PIN4: variants seen among roughly 807,000 people sequenced by gnomAD.
PIN4 encodes peptidyl-prolyl cis-trans isomerase NIMA-interacting 4.
PIN4 carries 3 observed loss-of-function variants against 8.3 expected under a neutral mutation model. That is an observed-to-expected ratio of 0.36 (90% CI 0.16 to 0.93). PIN4 has a LOEUF of 0.93. Among genes scored for constraint, PIN4 ranks in the 40% least tolerant of loss-of-function variants. The pLI is 0.44. For synonymous variants in PIN4, 18 were observed against 32.5 expected (o/e 0.55, Z 1.52); for missense variants, 75 against 100.6 (o/e 0.75, Z 1.09).
At chrX:72,211,434 T>C (rs998947862) in intron 3 of PIN4, among the ~76,000 whole-genome samples, 2 of 111,916 alleles carry the variant, frequency 1.8e-5, no homozygotes, top group African/African-American at 6.5e-5. Flanking sequence ...AAAAATTTTA[T>C]GTTTAAATGG....
intron 3 of PIN4, among the ~76,000 whole-genome samples, chrX:72,211,989 C>G (rs1200236710): frequency 9.0e-6 from 1 of 111,144 alleles, no homozygotes; most frequent in Non-Finnish European, 1.9e-5. Context: ...AAAATCATCT[C>G]TGTGGCTGGG....
At chrX:72,205,705 C>T (rs1029564947) in intron 3 of PIN4, 1 of 1,210,324 alleles carries the variant, frequency 8.3e-7, no homozygotes, top group African/African-American at 1.7e-5. Context: ...TCTAGCTTTA[C>T]TTCTGATTTT....
intron 3 of PIN4, among the ~76,000 whole-genome samples, chrX:72,236,713 C>T (rs1475778662): frequency 8.9e-6 from 1 of 112,080 alleles, no homozygotes; most frequent in Non-Finnish European, 1.9e-5. Context: ...CAACTTTAAG[C>T]AAAATGACAC....
chrX:72,193,551 TAAAAA>T (rs202168786), intron 2 of PIN4, among the ~76,000 whole-genome samples: 2 of 107,493 alleles, frequency 1.9e-5, no homozygotes, highest in African/African-American at 6.8e-5. Context: ...GTTTAAAAAT[TAAAAA>T]AAAAAATTTT....
chrX:72,182,439 G>A (rs1053582531), intron 1 of PIN4, among the ~76,000 whole-genome samples: 1 of 110,428 alleles, frequency 9.1e-6, no homozygotes, highest in African/African-American at 3.3e-5. Context: ...AGCTACTCGG[G>A]AGGCTGAGGC....
intron 3 of PIN4, among the ~76,000 whole-genome samples, chrX:72,260,339 C>A (rs913891161): frequency 4.4e-5 from 5 of 112,479 alleles, no homozygotes; most frequent in African/African-American, 1.3e-4. Flanking sequence ...GTTCAAGGAG[C>A]TGAAGGCCCA....
At chrX:72,253,178 C>T (rs1488271802) in intron 3 of PIN4, among the ~76,000 whole-genome samples, 1 of 111,840 alleles carries the variant, frequency 8.9e-6, no homozygotes, top group East Asian at 2.8e-4. Context: ...CAGTTCATCA[C>T]CAAGCCCTGT....
chrX:72,243,553 A>G (rs888935269), intron 3 of PIN4, among the ~76,000 whole-genome samples: 2 of 112,056 alleles, frequency 1.8e-5, no homozygotes, highest in African/African-American at 6.5e-5. Context: ...AGCTTGTTAC[A>G]GAGGTTCATT....
At chrX:72,203,247 C>T (rs2042797803), downstream of PIN4, among the ~76,000 whole-genome samples, 1 of 112,309 alleles carries the variant, frequency 8.9e-6, no homozygotes. Flanking sequence ...TTGCCCTACA[C>T]ATCTCTTCCA....
chrX:72,184,394 T>C lies in PIN4; in HGVS notation c.44-2067T>C, dbSNP rs919856001. Reference sequence around the variant, plus strand: ...AGCCAGAGACTGAACTAGTTCTGAGTGGCACAGTTCCATCGTGTGCCCCCG... The same window carrying C: ...AGCCAGAGACTGAACTAGTTCTGAGCGGCACAGTTCCATCGTGTGCCCCCG... On this transcript the variant is annotated intron_variant, in intron 1 of 3. Transcript: ENST00000373669. 1.6e-4 allele frequency among the ~76,000 whole-genome samples: 18 copies of C among 111,883 alleles called. No individual in the cohort carries two copies. In the Admixed American group the frequency reaches 1.7e-3, roughly 11 times the overall value.
intron 3 of PIN4, among the ~76,000 whole-genome samples, chrX:72,248,992 G>T (rs1335772609): frequency 8.9e-6 from 1 of 112,096 alleles, no homozygotes; most frequent in Non-Finnish European, 1.9e-5. Flanking sequence ...AGTTCACCAG[G>T]GGTTCTCAAG....
At chrX:72,230,281 T>G (rs12844439) in intron 3 of PIN4, among the ~76,000 whole-genome samples, 1 of 110,749 alleles carries the variant, frequency 9.0e-6, no homozygotes, top group Non-Finnish European at 1.9e-5. Flanking sequence ...AGAGACATGC[T>G]AGCCCCAAGA....
chrX:72,241,794 G>A (rs1368315534), intron 3 of PIN4, among the ~76,000 whole-genome samples: 1 of 102,956 alleles, frequency 9.7e-6, no homozygotes, highest in Non-Finnish European at 1.9e-5. Context: ...TCCAGCCTGG[G>A]CAACAAGAGC....
intron 3 of PIN4, among the ~76,000 whole-genome samples, chrX:72,258,621 C>T (rs1043914101): frequency 3.6e-5 from 4 of 111,638 alleles, no homozygotes; most frequent in Non-Finnish European, 5.6e-5. Context: ...ACTAACTCCT[C>T]ACCTCATGAG....
intron 3 of PIN4, among the ~76,000 whole-genome samples, chrX:72,225,085 T>C (rs1414170407): frequency 8.9e-6 from 1 of 112,149 alleles, no homozygotes; most frequent in Non-Finnish European, 1.9e-5. Flanking sequence ...TTTATCCTAT[T>C]GTTCCCAAAC....
chrX:72,237,546 C>T (rs1039294552), intron 3 of PIN4, among the ~76,000 whole-genome samples: 1 of 108,208 alleles, frequency 9.2e-6, no homozygotes, highest in Non-Finnish European at 1.9e-5. Flanking sequence ...TGCTGTGAGC[C>T]CAGACCGCGC....
At chrX:72,200,133 T>G (rs2042784728), downstream of PIN4, among the ~76,000 whole-genome samples, 1 of 104,322 alleles carries the variant, frequency 9.6e-6, no homozygotes, top group South Asian at 4.4e-4. Flanking sequence ...GCCACTGCAC[T>G]CCAGTCTGGG....
At chrX:72,203,030 G>C (rs2042796538), downstream of PIN4, among the ~76,000 whole-genome samples, 1 of 111,326 alleles carries the variant, frequency 9.0e-6, no homozygotes, top group Admixed American at 9.6e-5. Context: ...TAGAGGGAAC[G>C]TTCAGCCCTA....
rs747010973 is a variant in PIN4, at chrX:72,197,723, T to C, written c.*197T>C. Reference sequence around the variant, plus strand: ...GGTGGGGCTAAGTGAATGTCAACTGTAGTAGGTATTCAGTCAGTCTTTCTC... The same window carrying C: ...GGTGGGGCTAAGTGAATGTCAACTGCAGTAGGTATTCAGTCAGTCTTTCTC... On this transcript the variant is annotated 3_prime_UTR_variant, in exon 4 of 4. Coordinates refer to ENST00000373669, the MANE Select transcript of PIN4 (RefSeq NM_006223.4). 35 of 973,963 alleles carry C rather than the reference T, an allele frequency of 3.6e-5. No individual in the cohort carries two copies. Among genetic ancestry groups the C allele is most frequent in the Non-Finnish European group, 4.5e-5 (35 of 774,836 alleles). 80.3% of individuals were successfully genotyped at this position (973,963 alleles called of 1,213,427 possible).
Sources: gnomAD v4.1 joint callset for allele counts (sites outside exome capture counted in the v4.1 genomes callset) on GRCh38, gnomAD v4.1.1 for gene constraint, MANE v1.5 for transcripts, NCBI Gene and HGNC (gene_info 2026-07-23, HGNC 2026-07-21) for gene names.